CUX1: variants seen among roughly 807,000 people sequenced by gnomAD.
CUX1 encodes the protein protein CASP.
CUX1 carries 31 observed loss-of-function variants against 158.8 expected under a neutral mutation model. The ratio of observed to expected loss-of-function variants is 0.20; its 90% CI spans 0.15 to 0.26. The LOEUF is 0.26. Among genes scored for constraint, CUX1 ranks in the 10% least tolerant of loss-of-function variants. CUX1 has a pLI of 1.00. For synonymous variants in CUX1, 879 were observed against 862.1 expected, an observed-to-expected ratio of 1.02 and a Z score of -0.34; for missense variants, 1,589 against 2,014.6, an observed-to-expected ratio of 0.79 and a Z score of 4.04.
intron 8 of CUX1, among the ~76,000 whole-genome samples, chr7:102,120,561 A>G (rs1831930573): frequency 6.6e-6 from 1 of 152,370 alleles, no homozygotes. Context: ...TACGGTTACA[A>G]AAGAGACATT....
At position 102,248,599 on chromosome 7, in the gene CUX1, G is replaced by A. The variant is rs1554537920; in HGVS notation, c.4075G>A (p.Gly1359Arg). Reference protein sequence around the residue: ...SADTEEPKSQGEAEREEVPRP... With the variant: ...SADTEEPKSQREAEREEVPRP... ...CGACACCGAGGAGCCCAAGTCTCAGGGAGAGGCCGAGCGGGAGGAGGTGCC... is the reference window on the plus strand; with the variant it reads ...CGACACCGAGGAGCCCAAGTCTCAGAGAGAGGCCGAGCGGGAGGAGGTGCC... The change falls in exon 24 of 24, where the codon GGA (glycine) becomes AGA (arginine). Residue 1359 changes from glycine (G) to arginine (R), a missense_variant. Around this residue, in one of 8 missense-constraint regions of CUX1, gnomAD observed 344 missense variants for 323.7 expected, o/e 1.06. Coordinates refer to ENST00000292535, the MANE Select transcript of CUX1 (RefSeq NM_181552.4). This position sits in a 1 kb window ranked among gnomAD's most constrained non-coding sequence, Gnocchi z 5.8. 6.8e-7 allele frequency: 1 copy of A among 1,467,848 alleles called. No homozygotes were observed. The highest frequency in any genetic ancestry group is 1.3e-5 in the South Asian group (1 of 78,196). The allele number at this position is 1,467,848 out of a possible 1,614,324, so 90.9% of individuals were successfully genotyped here.
intron 3 of CUX1, among the ~76,000 whole-genome samples, chr7:102,065,006 T>C (rs1188346441): frequency 6.6e-6 from 1 of 151,928 alleles, no homozygotes; most frequent in Non-Finnish European, 1.5e-5. Flanking sequence ...AGCAGGGAAG[T>C]CACACAAAGG....
chr7:102,152,554 G>A (rs570543884), intron 8 of CUX1, among the ~76,000 whole-genome samples: 1 of 152,028 alleles, frequency 6.6e-6, no homozygotes, highest in Non-Finnish European at 1.5e-5. Flanking sequence ...ACCACACCCG[G>A]CTAATTTTTG....
At chr7:101,990,478 G>T (rs1814958305) in intron 2 of CUX1, among the ~76,000 whole-genome samples, 1 of 152,084 alleles carries the variant, frequency 6.6e-6, no homozygotes, top group Non-Finnish European at 1.5e-5. Flanking sequence ...CTGGGTTCAA[G>T]CGATTCTCCT....
intron 2 of CUX1, among the ~76,000 whole-genome samples, chr7:101,917,722 C>T (rs1005785352): frequency 4.6e-5 from 7 of 152,194 alleles, no homozygotes; most frequent in Non-Finnish European, 7.3e-5. Context: ...GCCCAAGCCC[C>T]GCCACATCCA....
chr7:102,097,216 A>G, intron 4 of CUX1, 148 bp from the exon 5 acceptor site: 1 of 927,096 alleles, frequency 1.1e-6, no homozygotes, highest in African/African-American at 1.7e-5. Context: ...CCCACCCAGC[A>G]AGGGGGCTGG....
intron 14 of CUX1, among the ~76,000 whole-genome samples, chr7:102,271,858 C>A (rs1051783647): frequency 3.3e-5 from 5 of 152,088 alleles, no homozygotes; most frequent in Admixed American, 6.6e-5. Context: ...CCCGTCTCTA[C>A]TAAAAATACA....
At chr7:102,151,633 C>T (rs1835673948) in intron 8 of CUX1, among the ~76,000 whole-genome samples, 1 of 144,058 alleles carries the variant, frequency 6.9e-6, no homozygotes, top group African/African-American at 2.6e-5. Flanking sequence ...GAGGCTAAGG[C>T]AGGAGAGTCA....
intron 20 of CUX1, among the ~76,000 whole-genome samples, chr7:102,225,125 T>C (rs1226319852): frequency 1.3e-5 from 2 of 152,168 alleles, no homozygotes; most frequent in Admixed American, 6.5e-5. Context: ...AGATTCACAT[T>C]GCCCTAAAGA....
At chr7:101,875,798 A>G (rs1046516599) in intron 1 of CUX1, among the ~76,000 whole-genome samples, 10 of 152,090 alleles carry the variant, frequency 6.6e-5, no homozygotes, top group African/African-American at 2.4e-4. Context: ...TTTTTGCCTA[A>G]TAAAGGAAAA....
At chr7:102,194,034 A>C in intron 13 of CUX1, 144 bp downstream of exon 13, 1 of 788,382 alleles carries the variant, frequency 1.3e-6, no homozygotes, top group Non-Finnish European at 2.1e-6. Context: ...ACATTTAACC[A>C]AGTTGAAGCA....
rs141424342 is a variant in CUX1 at position 101,848,719 on chromosome 7, A to C, written c.30+31050A>C. On this transcript the variant is annotated intron_variant, in intron 1 of 23. Coordinates refer to ENST00000292535, the MANE Select transcript of CUX1 (RefSeq NM_181552.4). Reference sequence around the variant, plus strand: ...CTTTGTTAAGTGCACAGCAAACAGAAGACAAAGTGTGGCCGGGTGCGGTGG... The same window carrying C: ...CTTTGTTAAGTGCACAGCAAACAGACGACAAAGTGTGGCCGGGTGCGGTGG... Among the ~76,000 whole-genome samples the C allele has an allele frequency of 5.4e-3, 822 of 152,086 alleles. 12 individuals carry two copies. The highest frequency in any genetic ancestry group is 0.019 in the African/African-American group (781 of 41,492).
intron 1 of CUX1, among the ~76,000 whole-genome samples, chr7:101,860,702 C>G (rs536745113): frequency 6.6e-6 from 1 of 151,404 alleles, no homozygotes; most frequent in Admixed American, 6.6e-5. Flanking sequence ...CTTTCCTTTC[C>G]TTTATCCTCT....
In CUX1 at chr7:102,250,636, A is replaced by G; in HGVS notation, c.*1594A>G. On this transcript the variant is annotated 3_prime_UTR_variant, in exon 24 of 24. Coordinates refer to ENST00000292535, the MANE Select transcript of CUX1 (RefSeq NM_181552.4). Reference sequence around the variant, plus strand: ...TGGATGCTCTTCAACTTCCAAACCTACCATTTGCCCTTCTTTCATTTCGCC... The same window carrying G: ...TGGATGCTCTTCAACTTCCAAACCTGCCATTTGCCCTTCTTTCATTTCGCC... 1 of 985,234 alleles carries G rather than the reference A, an allele frequency of 1.0e-6. No homozygotes were observed. The highest frequency in any genetic ancestry group is 1.2e-6 in the Non-Finnish European group (1 of 829,894). 61.0% of individuals were successfully genotyped at this position (985,234 alleles called of 1,614,324 possible). A position where few individuals can be genotyped will look rare whatever the true frequency, so the allele number is the denominator to read the frequency against.
chr7:101,938,174 G>A (rs781736416), intron 2 of CUX1, among the ~76,000 whole-genome samples: 8 of 150,934 alleles, frequency 5.3e-5, no homozygotes, highest in African/African-American at 1.7e-4. Flanking sequence ...ATGCAGTGAC[G>A]TGATCACAGC....
intron 3 of CUX1, among the ~76,000 whole-genome samples, chr7:102,030,691 G>GGTTTTTTTTTTTTTGTTTTTTGTTT (rs537970250): frequency 8.4e-6 from 1 of 119,386 alleles, no homozygotes; most frequent in African/African-American, 3.1e-5. Flanking sequence ...TTTAAAAAGT[G>GGTTTTTTTTTTTTTGTTTTTTGTTT]TTTTTTTTTT....
intron 4 of CUX1, among the ~76,000 whole-genome samples, chr7:102,086,302 T>C (rs1392760139): frequency 6.6e-6 from 1 of 151,962 alleles, no homozygotes; most frequent in Non-Finnish European, 1.5e-5. Flanking sequence ...TATTAGCTAC[T>C]TTCTACTTAC....
chr7:102,016,673 T>G lies in CUX1; in HGVS notation c.142-11425T>G, dbSNP rs1818630405. On this transcript the variant is annotated intron_variant, in intron 2 of 23. Coordinates refer to ENST00000292535, the MANE Select transcript of CUX1 (RefSeq NM_181552.4). ...GCATTGCTTTAGTAGAATTCTCTCA[T>G]AAGTACTCCCCTGGTGTCGGAATCC... Among the ~76,000 whole-genome samples, 3 of 152,232 alleles carry G rather than the reference T, an allele frequency of 2.0e-5. No individual in the cohort carries two copies. In the South Asian group the frequency reaches 6.2e-4, roughly 31 times the overall value.
chr7:102,003,099 G>C (rs908847672), intron 2 of CUX1, among the ~76,000 whole-genome samples: 4 of 151,832 alleles, frequency 2.6e-5, no homozygotes, highest in East Asian at 1.9e-4. Flanking sequence ...ACAGGGTTTC[G>C]TGTTGGCCAG....
Sources: gnomAD v4.1 joint callset for allele counts (sites outside exome capture counted in the v4.1 genomes callset) on GRCh38, gnomAD v4.1.1 for gene constraint, gnomAD v4.1.1 regional missense constraint, Gnocchi (gnomAD v3.1) non-coding constraint, MANE v1.5 for transcripts, NCBI Gene and HGNC (gene_info 2026-07-23, HGNC 2026-07-21) for gene names.